CIBAR1: variants seen among roughly 807,000 people sequenced by gnomAD.
CIBAR1 encodes CBY1-interacting BAR domain-containing protein 1.
In CIBAR1, 25 loss-of-function variants were observed where a neutral mutation model predicts 44.0. That is an observed-to-expected ratio of 0.57 (90% confidence interval 0.41 to 0.79). CIBAR1 has a LOEUF of 0.79. CIBAR1 is among the 30% of genes least tolerant of loss of function. The probability of loss-of-function intolerance (pLI) is 0.00; values close to 1 mark genes in which losing one functional copy is unlikely to be tolerated. For synonymous variants in CIBAR1, 115 were observed against 119.0 expected (o/e 0.97, Z 0.22); for missense variants, 278 against 344.8 (o/e 0.81, Z 1.53).
At chr8:93,701,750 CA>C (rs1273970367) in intron 2 of CIBAR1, 4 of 386,062 alleles carry the variant, frequency 1.0e-5, no homozygotes, top group Non-Finnish European at 4.7e-6. Flanking sequence ...GAATAGTACC[CA>C]GGGGGAAGAA....
intron 5 of CIBAR1, 106 bp from the exon 6 acceptor site, chr8:93,709,665 T>C: frequency 1.2e-6 from 1 of 823,216 alleles, no homozygotes; most frequent in Admixed American, 2.0e-5. Context: ...TTTACACTGT[T>C]ATGCCAAAAA....
intron 3 of CIBAR1, among the ~76,000 whole-genome samples, 151 bp downstream of exon 3, chr8:93,703,839 C>T (rs1029995295): frequency 3.3e-5 from 5 of 151,700 alleles, no homozygotes; most frequent in Non-Finnish European, 4.4e-5. Context: ...TCGAGGCGGG[C>T]GGATCACGAG....
intron 4 of CIBAR1, 155 bp downstream of exon 4, chr8:93,705,165 T>C (rs1810530584): frequency 8.8e-6 from 5 of 570,020 alleles, no homozygotes; most frequent in African/African-American, 3.8e-5. Flanking sequence ...ACTATAGAAA[T>C]TTTAAAGAGG....
Position 93,701,466 on chromosome 8 carries a change from G to A in CIBAR1, c.261+8G>A, listed in dbSNP as rs1445239328. 11 of 1,609,374 alleles carry A rather than the reference G, an allele frequency of 6.8e-6. 1 individual carries two copies. Among genetic ancestry groups the A allele is most frequent in the South Asian group, 4.4e-5 (4 of 90,320 alleles). The stretch of plus-strand genomic sequence containing the variant: ...GATTATCGACAAGCAGAGGTATGGA[G>A]TGAGATCACAGTGTCATTGTTATGA... On this transcript the variant is annotated splice_region_variant and intron_variant, in intron 2 of 8. Transcript: ENST00000518322.
chr8:93,724,982 G>GA (rs780934133), intron 7 of CIBAR1, among the ~76,000 whole-genome samples: 1 of 152,070 alleles, frequency 6.6e-6, no homozygotes. Flanking sequence ...ATCTTTCAGA[G>GA]AAACTTTTTT....
intron 4 of CIBAR1, 122 bp from the exon 5 acceptor site, chr8:93,707,889 T>C (rs1015760963): frequency 9.1e-6 from 5 of 550,274 alleles, no homozygotes; most frequent in Admixed American, 7.4e-5. Context: ...ATAATTGATA[T>C]ATGGTTACAA....
At chr8:93,700,986 C>T in intron 1 of CIBAR1, 1 of 1,395,464 alleles carries the variant, frequency 7.2e-7, no homozygotes, top group Non-Finnish European at 9.2e-7. Flanking sequence ...GCCGGAGCAG[C>T]CACCTCCCCA....
chr8:93,723,697 GAC>G (rs1183126531), intron 7 of CIBAR1, among the ~76,000 whole-genome samples: 1 of 152,110 alleles, frequency 6.6e-6, no homozygotes, highest in Admixed American at 6.5e-5. Flanking sequence ...GACTCATTGA[GAC>G]AGATATGTAA....
Position 93,728,210 on chromosome 8 carries a change from C to T in CIBAR1, c.783C>T (p.Ser261=). The T allele has an allele frequency of 1.9e-6, 3 of 1,566,400 alleles. No homozygotes were observed. The highest frequency in any genetic ancestry group is 1.2e-5 in the South Asian group (1 of 81,000). Residue 261 remains serine (S), a synonymous_variant, in exon 9 of 9, where the codon TCC becomes TCT. Coordinates refer to ENST00000518322, the MANE Select transcript of CIBAR1 (RefSeq NM_145269.5). ...AGTGTGTTAACTTTTAACAGGTATCCACTTGTCGACTAAGAAAGGATCAAC... is the reference window on the plus strand; with the variant it reads ...AGTGTGTTAACTTTTAACAGGTATCTACTTGTCGACTAAGAAAGGATCAAC... The part of the protein sequence containing the change: ...AKCVSGTGQV[S]TCRLRKDQQA...
At chr8:93,704,646 A>G (rs1810506055) in intron 3 of CIBAR1, among the ~76,000 whole-genome samples, 1 of 152,204 alleles carries the variant, frequency 6.6e-6, no homozygotes, top group East Asian at 1.9e-4. Context: ...CGCAATCAAA[A>G]TTACACATTT....
At chr8:93,720,284 G>C (rs1811212365) in intron 7 of CIBAR1, among the ~76,000 whole-genome samples, 1 of 151,694 alleles carries the variant, frequency 6.6e-6, no homozygotes, top group Non-Finnish European at 1.5e-5. Flanking sequence ...GCCTGGCCTA[G>C]TTTTTTTTGT....
In CIBAR1 at chr8:93,705,002, CA is replaced by C; in HGVS notation, c.425del (p.His142LeufsTer36). 6.2e-7 allele frequency: 1 copy of C among 1,609,988 alleles called. No individual in the cohort carries two copies. The highest frequency in any genetic ancestry group is 1.1e-5 in the South Asian group (1 of 90,790). ...RTRQRNPSDRHVISQAETELQ... is the reference protein window; with the variant it reads ...RTRQRNPSDRXVISQAETELQ... ...ACGTCAGCGAAACCCATCTGATCGA[CA>C]TGTTATTGTATCCTTTGAATTTGGG... On this transcript the variant is annotated frameshift_variant, in exon 4 of 9. Coordinates refer to ENST00000518322, the MANE Select transcript of CIBAR1 (RefSeq NM_145269.5). LOFTEE classifies it high-confidence loss of function.
rs751984871 is a variant in CIBAR1 at position 93,701,455 on chromosome 8, A to C, written c.258A>C (p.Ala86=). ...CCAAACTTCAGGATTATCGACAAGC[A>C]GAGGTATGGAGTGAGATCACAGTGT... ...EFAKLQDYRQ[A]EVERLEAKVV... Residue 86 remains alanine, a synonymous_variant, in exon 2 of 9, where the codon GCA becomes GCC. Coordinates refer to ENST00000518322, the MANE Select transcript of CIBAR1 (RefSeq NM_145269.5). 3 of 1,612,258 alleles carry C rather than the reference A, an allele frequency of 1.9e-6. No homozygotes were observed. In the African/African-American group the frequency reaches 4.0e-5, roughly 21 times the overall value.
rs1294088770 is a variant in CIBAR1, at chr8:93,730,569, C to T, written c.*2272C>T. The T allele has an allele frequency of 2.6e-5, 4 of 152,066 alleles. No homozygotes were observed. The highest frequency in any genetic ancestry group is 9.7e-5 in the African/African-American group (4 of 41,394). The allele number at this position is 152,066 out of a possible 1,614,324, so 9.4% of individuals were successfully genotyped here. A position where few individuals can be genotyped will look rare whatever the true frequency, so the allele number is the denominator to read the frequency against. ...GATGTGTACATGAAAATTTACTATT[C>T]TTTTTTTATATTTGAAATTGATGAG... On this transcript the variant is annotated 3_prime_UTR_variant, in exon 9 of 9. Transcript: ENST00000518322.
chr8:93,714,381 T>A (rs927272103), intron 6 of CIBAR1, among the ~76,000 whole-genome samples: 1 of 152,222 alleles, frequency 6.6e-6, no homozygotes, highest in Admixed American at 6.5e-5. Flanking sequence ...ATTTTCCACA[T>A]ATAAATTCTG....
chr8:93,723,453 G>C (rs779493222), intron 7 of CIBAR1, among the ~76,000 whole-genome samples: 6 of 151,958 alleles, frequency 3.9e-5, no homozygotes, highest in Non-Finnish European at 8.8e-5. Context: ...GACTCCTTCC[G>C]TGTCCTGAAG....
chr8:93,705,413 T>G (rs901913747), intron 4 of CIBAR1: 7 of 179,452 alleles, frequency 3.9e-5, no homozygotes, highest in Non-Finnish European at 8.1e-5. Flanking sequence ...TTTAATTTCC[T>G]TCATCTTTTA....
intron 1 of CIBAR1, 96 bp from the exon 2 acceptor site, chr8:93,701,128 T>A: frequency 6.6e-7 from 1 of 1,515,530 alleles, no homozygotes; most frequent in Non-Finnish European, 8.9e-7. Flanking sequence ...CCTTCAAAGC[T>A]GCAGAATGCC....
chr8:93,701,381 G>A lies in CIBAR1; in HGVS notation c.184G>A (p.Glu62Lys). 1 of 1,613,858 alleles carries A rather than the reference G, an allele frequency of 6.2e-7. No individual in the cohort carries two copies. The highest frequency in any genetic ancestry group is 8.5e-7 in the Non-Finnish European group (1 of 1,179,884). Residue 62 changes from glutamate to lysine, a missense_variant, in exon 2 of 9, where the codon GAG becomes AAG. Physicochemically the swap from Glu to Lys is moderately conservative, Grantham distance 56. Transcript: ENST00000518322. The stretch of plus-strand genomic sequence containing the variant: ...TGAAATTAACGCGTATGCTGCTACA[G>A]AGACCCCGCATTTAAAGCTGGGCCT... ...VNEINAYAAT[E>K]TPHLKLGLMN...
Sources: allele counts gnomAD v4.1 joint callset (sites outside exome capture counted in the v4.1 genomes callset), GRCh38; gene constraint gnomAD v4.1.1; transcripts MANE v1.5; gene names NCBI Gene and HGNC (gene_info 2026-07-23, HGNC 2026-07-21).